The following CACNB4 variants were observed in gnomAD, a reference collection of about 807,000 sequenced individuals.
The protein encoded by CACNB4 is voltage-dependent L-type calcium channel subunit beta-4.
CACNB4 carries 32 observed loss-of-function variants against 71.2 expected under a neutral mutation model. That is an observed-to-expected ratio of 0.45 (90% CI 0.34 to 0.60). The LOEUF (loss-of-function observed/expected upper bound fraction) is 0.60. CACNB4 is among the 20% of genes least tolerant of loss of function. The pLI is 0.01. For missense variants in CACNB4, 464 were observed against 647.9 expected, an observed-to-expected ratio of 0.72 and a Z score of 3.08; for synonymous variants, 231 against 236.9, an observed-to-expected ratio of 0.97 and a Z score of 0.23.
At chr2:152,023,410 T>C in intron 2 of CACNB4, among the ~76,000 whole-genome samples, 1 of 140,776 alleles carries the variant, frequency 7.1e-6, no homozygotes, top group Non-Finnish European at 1.5e-5. Flanking sequence ...GCGCTCTGGA[T>C]AAAGGCCACC....
intron 2 of CACNB4, among the ~76,000 whole-genome samples, chr2:151,888,285 G>A (rs574554809): frequency 1.3e-5 from 2 of 152,240 alleles, no homozygotes; most frequent in East Asian, 3.9e-4. Context: ...AACCAGGCTG[G>A]GCATGGTAGC....
chr2:151,866,617 G>A (rs62175666), intron 9 of CACNB4: 3,408 of 152,288 alleles, frequency 0.022, 44 homozygotes, highest in Middle Eastern at 0.034. Context: ...CGCTACCAGC[G>A]AATTTCTTTC....
At chr2:151,942,698 G>A (rs1170389235) in intron 2 of CACNB4, among the ~76,000 whole-genome samples, 1 of 152,010 alleles carries the variant, frequency 6.6e-6, no homozygotes, top group Non-Finnish European at 1.5e-5. Flanking sequence ...TTCATTCCTG[G>A]GGGGAGGTCT....
chr2:151,872,278 G>A (rs2099844841), intron 6 of CACNB4, 139 bp downstream of exon 6: 1 of 615,416 alleles, frequency 1.6e-6, no homozygotes, highest in Non-Finnish European at 2.9e-6. Flanking sequence ...GAAAACAAAT[G>A]AGAAATGAAA....
chr2:151,868,504 C>G (rs1351386522), intron 9 of CACNB4: 1 of 152,004 alleles, frequency 6.6e-6, no homozygotes, highest in East Asian at 1.9e-4. Flanking sequence ...GAGAAACTTT[C>G]TTTAGAATTT....
chr2:151,887,965 T>C (rs1282523644), intron 2 of CACNB4, among the ~76,000 whole-genome samples: 1 of 151,840 alleles, frequency 6.6e-6, no homozygotes, highest in Non-Finnish European at 1.5e-5. Context: ...AAAAAATGGC[T>C]TTATTGAGGT....
rs2099834416 is a variant in CACNB4, at chr2:151,834,282, C to G, written c.*4837G>C. 6.6e-6 allele frequency: 1 copy of G among 152,034 alleles called. No homozygotes were observed. The highest frequency in any genetic ancestry group is 6.5e-5 in the Admixed American group (1 of 15,272). 9.4% of individuals were successfully genotyped at this position (152,034 alleles called of 1,614,324 possible). On this transcript the variant is annotated 3_prime_UTR_variant, in exon 14 of 14. Coordinates refer to ENST00000539935, the MANE Select transcript of CACNB4 (RefSeq NM_000726.5). ...ACTCTAAATTCATTAGTAACATTTT[C>G]TACCATCCTTCTGCAAACATTTTAC...
At chr2:152,035,506 G>T (rs1011252028) in intron 2 of CACNB4, among the ~76,000 whole-genome samples, 1 of 152,144 alleles carries the variant, frequency 6.6e-6, no homozygotes, top group Admixed American at 6.5e-5. Flanking sequence ...GTTGCGGTGA[G>T]CTGAGATCGT....
chr2:151,905,557 A>G (rs2099854582), intron 2 of CACNB4, among the ~76,000 whole-genome samples: 1 of 152,264 alleles, frequency 6.6e-6, no homozygotes, highest in Admixed American at 6.5e-5. Flanking sequence ...TAGAATAGCC[A>G]CAAATGTATT....
At chr2:152,034,019 G>A (rs909585489) in intron 2 of CACNB4, among the ~76,000 whole-genome samples, 7 of 152,048 alleles carry the variant, frequency 4.6e-5, no homozygotes, top group African/African-American at 1.2e-4. Context: ...AACACCTGGG[G>A]GGGAAAATTA....
In CACNB4 at chr2:151,971,386, G is replaced by A. The variant is rs1012755612; in HGVS notation, c.148-88016C>T. On this transcript the variant is annotated intron_variant, in intron 2 of 13. Coordinates refer to ENST00000539935, the MANE Select transcript of CACNB4 (RefSeq NM_000726.5). ...CAGAACGGTAGGACATATGCGGATG[G>A]TTCCCCAACCCCCACCCCCAACCGA... is the stretch of plus-strand genomic sequence containing the variant. 6.8e-5 allele frequency: 43 copies of A among 631,464 alleles called. 1 individual carries two copies. The highest frequency in any genetic ancestry group is 8.3e-4 in the Middle Eastern group (2 of 2,412). The allele number at this position is 631,464 out of a possible 1,614,324, so 39.1% of individuals were successfully genotyped here.
chr2:152,001,254 G>A (rs1025746312), intron 2 of CACNB4, among the ~76,000 whole-genome samples: 1 of 152,084 alleles, frequency 6.6e-6, no homozygotes, highest in Non-Finnish European at 1.5e-5. Flanking sequence ...TGAGTGCCAA[G>A]GGGTGGTGGA....
chr2:152,090,900 G>C (rs1281043639), intron 2 of CACNB4, among the ~76,000 whole-genome samples: 1 of 151,482 alleles, frequency 6.6e-6, no homozygotes, highest in Non-Finnish European at 1.5e-5. Context: ...AGAAAAGTTA[G>C]CCAGGCATGT....
At chr2:151,983,224 C>T (rs914128570) in intron 2 of CACNB4, among the ~76,000 whole-genome samples, 19 of 152,224 alleles carry the variant, frequency 1.2e-4, no homozygotes, top group Admixed American at 1.1e-3. Flanking sequence ...AAATCTTCAA[C>T]TCTATTGAGT....
chr2:151,909,575 C>T (rs1375045427), intron 2 of CACNB4, among the ~76,000 whole-genome samples: 1 of 152,150 alleles, frequency 6.6e-6, no homozygotes, highest in Non-Finnish European at 1.5e-5. Context: ...CCCTCACTCC[C>T]CAACCCCCAG....
chr2:151,978,650 G>T (rs368459139), intron 2 of CACNB4, among the ~76,000 whole-genome samples: 22 of 152,296 alleles, frequency 1.4e-4, no homozygotes, highest in East Asian at 1.4e-3. Flanking sequence ...CACCAACTGT[G>T]CTCCACAAGC....
chr2:152,049,579 CCTT>C (rs1685313185), intron 2 of CACNB4, among the ~76,000 whole-genome samples: 2 of 152,148 alleles, frequency 1.3e-5, no homozygotes, highest in Admixed American at 1.3e-4. Flanking sequence ...CTCTCTCTTT[CCTT>C]CTTTCCTTTT....
intron 9 of CACNB4, among the ~76,000 whole-genome samples, chr2:151,863,097 G>A (rs573622635): frequency 2.7e-5 from 4 of 150,764 alleles, no homozygotes; most frequent in Admixed American, 6.6e-5. Flanking sequence ...TCGGAGTCTC[G>A]CTCTGTCACC....
intron 2 of CACNB4, among the ~76,000 whole-genome samples, chr2:152,023,902 T>A (rs1683819100): frequency 6.6e-6 from 1 of 152,264 alleles, no homozygotes; most frequent in Non-Finnish European, 1.5e-5. Flanking sequence ...CAATTAGAAC[T>A]GTGTCCTGGA....
Sources: allele counts gnomAD v4.1 joint callset (sites outside exome capture counted in the v4.1 genomes callset), GRCh38; gene constraint gnomAD v4.1.1; transcripts MANE v1.5; gene names NCBI Gene and HGNC (gene_info 2026-07-23, HGNC 2026-07-21).